The following GAS7 variants were observed in gnomAD, a reference collection of about 807,000 sequenced individuals.
The protein encoded by GAS7 is growth arrest-specific protein 7.
A neutral mutation model predicts 71.1 loss-of-function variants in GAS7; 28 were observed. The ratio of observed to expected loss-of-function variants is 0.39; its 90% confidence interval spans 0.29 to 0.54. The LOEUF is 0.54. Among genes scored for constraint, GAS7 ranks in the 20% least tolerant of loss-of-function variants. The pLI, the probability that GAS7 is intolerant of heterozygous loss-of-function variation, is 0.62. For missense variants in GAS7, 436 were observed against 627.8 expected, an observed-to-expected ratio of 0.69 and a Z score of 3.27; for synonymous variants, 258 against 245.8, an observed-to-expected ratio of 1.05 and a Z score of -0.46.
chr17:9,928,840 G>A (rs1027912959), intron 9 of GAS7, among the ~76,000 whole-genome samples: 3 of 152,186 alleles, frequency 2.0e-5, no homozygotes, highest in African/African-American at 7.2e-5. Flanking sequence ...TGCCCCTTCT[G>A]TGTTTGTAGA....
chr17:10,083,420 G>A (rs1424367812), intron 1 of GAS7, among the ~76,000 whole-genome samples: 9 of 152,128 alleles, frequency 5.9e-5, no homozygotes, highest in Non-Finnish European at 1.3e-4. Context: ...CCAGTGACTC[G>A]GTGATGCAGG....
At position 9,959,315 on chromosome 17, in the gene GAS7, C is replaced by T. The variant is rs779519897; in HGVS notation, c.472-60G>A. The T allele has an allele frequency of 1.2e-6, 2 of 1,611,422 alleles. No homozygotes were observed. The highest frequency in any genetic ancestry group is 1.7e-4 in the Middle Eastern group (1 of 6,060). On this transcript the variant is annotated intron_variant, in intron 4 of 13. Coordinates refer to ENST00000432992, the MANE Select transcript of GAS7 (RefSeq NM_201433.2). The surrounding 1 kb of genome is among the most constrained non-coding windows in gnomAD (Gnocchi z 5.0). Reference sequence around the variant, plus strand: ...TTCTCCATATTGGACATTTTTTCCCCCCATTCAGGTTCCCTGAGGGTGGAG... The same window carrying T: ...TTCTCCATATTGGACATTTTTTCCCTCCATTCAGGTTCCCTGAGGGTGGAG...
At chr17:10,173,315 G>A (rs942919961) in intron 1 of GAS7, among the ~76,000 whole-genome samples, 1 of 152,112 alleles carries the variant, frequency 6.6e-6, no homozygotes. Flanking sequence ...TTAAAATGGT[G>A]AATTTCATGT....
intron 11 of GAS7, among the ~76,000 whole-genome samples, chr17:9,921,985 T>G (rs2067831680): frequency 6.6e-6 from 1 of 151,538 alleles, no homozygotes; most frequent in African/African-American, 2.4e-5. Context: ...AAGCCTTTGT[T>G]GTCATCCCAG....
At chr17:10,146,814 C>T (rs1597819020) in intron 1 of GAS7, among the ~76,000 whole-genome samples, 1 of 152,146 alleles carries the variant, frequency 6.6e-6, no homozygotes, top group South Asian at 2.1e-4. Context: ...GAAACCCCAT[C>T]TCTACTAAAA....
At chr17:10,094,659 AG>A (rs1424131816) in intron 1 of GAS7, among the ~76,000 whole-genome samples, 1 of 151,872 alleles carries the variant, frequency 6.6e-6, no homozygotes, top group Non-Finnish European at 1.5e-5. Flanking sequence ...TAGTAGAGAC[AG>A]GGTTTCACCG....
chr17:10,066,112 T>C (rs1350965673), intron 1 of GAS7, among the ~76,000 whole-genome samples: 1 of 152,014 alleles, frequency 6.6e-6, no homozygotes, highest in Non-Finnish European at 1.5e-5. Context: ...TGCTATGGCG[T>C]AGGGTAGGAA....
chr17:10,081,933 C>T (rs930191070), intron 1 of GAS7, among the ~76,000 whole-genome samples: 9 of 152,100 alleles, frequency 5.9e-5, no homozygotes, highest in Admixed American at 1.3e-4. Flanking sequence ...ATACCCAGGC[C>T]GGTACACGAG....
At chr17:9,951,199 C>T (rs2068991820) in intron 5 of GAS7, among the ~76,000 whole-genome samples, 1 of 152,250 alleles carries the variant, frequency 6.6e-6, no homozygotes, top group Non-Finnish European at 1.5e-5. Context: ...CAACAAATCA[C>T]AGTCATCACA....
chr17:10,174,920 A>T (rs1023207022), intron 1 of GAS7, among the ~76,000 whole-genome samples: 4 of 151,990 alleles, frequency 2.6e-5, no homozygotes, highest in African/African-American at 7.3e-5. Context: ...ATCACAGCTC[A>T]CTGCAGCCTC....
chr17:10,098,511 T>C (rs916643797), intron 1 of GAS7, among the ~76,000 whole-genome samples: 1 of 152,168 alleles, frequency 6.6e-6, no homozygotes, highest in African/African-American at 2.4e-5. Context: ...TTGCCAAAGG[T>C]GGGTCAGACC....
intron 1 of GAS7, among the ~76,000 whole-genome samples, chr17:10,066,518 C>T (rs2073282801): frequency 6.6e-6 from 1 of 151,936 alleles, no homozygotes; most frequent in Admixed American, 6.6e-5. Flanking sequence ...TTTTGTTTTG[C>T]AGAGACAGAC....
chr17:10,135,050 C>T (rs560302114), intron 1 of GAS7, among the ~76,000 whole-genome samples: 20 of 152,196 alleles, frequency 1.3e-4, no homozygotes, highest in African/African-American at 4.3e-4. Flanking sequence ...CCAGGATGGT[C>T]TTGATGTCTT....
chr17:9,949,188 C>T (rs1269577684), intron 5 of GAS7, among the ~76,000 whole-genome samples: 1 of 147,034 alleles, frequency 6.8e-6, no homozygotes, highest in Non-Finnish European at 1.5e-5. Context: ...TCCTGCTCAG[C>T]TCTTTGGGCA....
chr17:9,934,781 G>A (rs1840307035), intron 8 of GAS7, among the ~76,000 whole-genome samples: 1 of 152,188 alleles, frequency 6.6e-6, no homozygotes, highest in Non-Finnish European at 1.5e-5. Context: ...TGTCGCCTAG[G>A]CTGGAGTACA....
intron 1 of GAS7, among the ~76,000 whole-genome samples, chr17:10,048,597 G>A (rs551109708): frequency 6.6e-6 from 1 of 152,288 alleles, no homozygotes; most frequent in African/African-American, 2.4e-5. Flanking sequence ...GTCCATTGCT[G>A]TGGGTATTCA....
intron 2 of GAS7, among the ~76,000 whole-genome samples, chr17:9,994,708 G>A (rs1444667416): frequency 8.3e-6 from 1 of 120,172 alleles, no homozygotes; most frequent in Non-Finnish European, 1.7e-5. Flanking sequence ...AAGAGCTTCT[G>A]CACAGCAAAA....
At chr17:10,153,210 A>AAAGCAAAAC (rs1555537832) in intron 1 of GAS7, among the ~76,000 whole-genome samples, 4 of 145,268 alleles carry the variant, frequency 2.8e-5, no homozygotes, top group African/African-American at 2.6e-5. Context: ...CCTCCGTCTC[A>AAAGCAAAAC]AAAAAAAAAC....
chr17:10,121,295 C>T (rs1259605484), intron 1 of GAS7, among the ~76,000 whole-genome samples: 4 of 152,120 alleles, frequency 2.6e-5, no homozygotes, highest in African/African-American at 7.2e-5. Flanking sequence ...GCAGGAGAAT[C>T]GCTTGAACCC....
Sources: gnomAD v4.1 joint callset for allele counts (sites outside exome capture counted in the v4.1 genomes callset) on GRCh38, gnomAD v4.1.1 for gene constraint, Gnocchi (gnomAD v3.1) non-coding constraint, MANE v1.5 for transcripts, NCBI Gene and HGNC (gene_info 2026-07-23, HGNC 2026-07-21) for gene names.